AFF1: variants seen among roughly 807,000 people sequenced by gnomAD.
AFF1 encodes the protein AF4/FMR2 family member 1.
In AFF1, 48 loss-of-function variants were observed where a neutral mutation model predicts 121.7. The observed-to-expected ratio is 0.39, with a 90% CI of 0.31 to 0.50. AFF1 has a LOEUF of 0.50. Ranked by LOEUF, AFF1 falls within the 20% of genes least tolerant of loss-of-function variation. AFF1 has a pLI of 0.76. For missense variants in AFF1, 1,523 were observed against 1,511.7 expected (o/e 1.01, Z -0.12); for synonymous variants, 613 against 563.0 (o/e 1.09, Z -1.26).
intron 2 of AFF1, among the ~76,000 whole-genome samples, chr4:86,988,078 T>C (rs528563485): frequency 6.8e-6 from 1 of 148,064 alleles, no homozygotes; most frequent in East Asian, 2.0e-4. Flanking sequence ...ACTTATGGAG[T>C]TACATATACA....
chr4:87,098,320 TTAGC>T (rs1725085043), intron 8 of AFF1, among the ~76,000 whole-genome samples: 1 of 152,228 alleles, frequency 6.6e-6, no homozygotes, highest in South Asian at 2.1e-4. Context: ...AGGTAACTGA[TTAGC>T]TAGGATGTTA....
intron 2 of AFF1, among the ~76,000 whole-genome samples, chr4:86,977,862 G>A (rs141667466): frequency 1.9e-4 from 29 of 152,276 alleles, no homozygotes; most frequent in African/African-American, 6.7e-4. Flanking sequence ...GTCTGGGCAC[G>A]TTGCTATGGG....
chr4:86,937,586 CTTTA>C (rs760920958), intron 1 of AFF1, among the ~76,000 whole-genome samples: 4 of 152,110 alleles, frequency 2.6e-5, no homozygotes, highest in East Asian at 1.9e-4. Flanking sequence ...TTACAAGTCA[CTTTA>C]TTTATTTTTG....
At chr4:86,943,768 T>G (rs907273610) in intron 1 of AFF1, among the ~76,000 whole-genome samples, 5 of 152,010 alleles carry the variant, frequency 3.3e-5, no homozygotes, top group Non-Finnish European at 7.4e-5. Context: ...GAGACCAGCC[T>G]GACCAACATG....
intron 2 of AFF1, among the ~76,000 whole-genome samples, chr4:87,026,017 G>A (rs1296866121): frequency 6.6e-6 from 1 of 151,504 alleles, no homozygotes; most frequent in Admixed American, 6.6e-5. Flanking sequence ...GTTAGGAAGT[G>A]GCAGAGCCTA....
chr4:87,046,157 C>T lies in AFF1; in HGVS notation c.39-9C>T. The T allele has an allele frequency of 6.2e-7, 1 of 1,608,988 alleles. No individual in the cohort carries two copies. Among genetic ancestry groups the T allele is most frequent in the South Asian group, 1.1e-5 (1 of 90,550 alleles). On this transcript the variant is annotated splice_polypyrimidine_tract_variant and intron_variant, in intron 2 of 20. Transcript: ENST00000395146. The stretch of plus-strand genomic sequence containing the variant: ...TATTGTTTTCATTCTTTTGTGGCAT[C>T]TGAAACAGTTTGTACAATGACGACA...
At chr4:87,124,721 A>G (rs1160244430) in intron 12 of AFF1, among the ~76,000 whole-genome samples, 1 of 152,234 alleles carries the variant, frequency 6.6e-6, no homozygotes, top group East Asian at 1.9e-4. Context: ...GAAAAACATC[A>G]GTGGTCTATT....
rs1560606867 is a variant in AFF1, at chr4:87,081,907, CTT to C, written c.1060-2212_1060-2211del. Among the ~76,000 whole-genome samples the C allele has an allele frequency of 5.9e-5, 9 of 152,166 alleles. No homozygotes were observed. The South Asian group carries it at 1.9e-3, about 32-fold the overall frequency. ...CTGGTTCATCCAACATAACAAAACTCTTGGGGAAAAAAAACATTTCGGCGACA... is the reference window on the plus strand; with the variant it reads ...CTGGTTCATCCAACATAACAAAACTCGGGGAAAAAAAACATTTCGGCGACA... On this transcript the variant is annotated intron_variant, in intron 4 of 20. Transcript: ENST00000395146.
rs113502077 is a variant in AFF1 at position 87,090,058 on chromosome 4, T to C, written c.1179T>C (p.Pro393=). ...GTACAGCTGAGCCATCCAAGTTTCC[T>C]TTCCCTACAAAGGTAATTCCTTAAA... The part of the protein sequence containing the change: ...TPSTAEPSKF[P]FPTKDSQHVS... Residue 393 remains proline (P), a synonymous_variant, in exon 6 of 21, where the codon CCT becomes CCC. Transcript: ENST00000395146. The C allele has an allele frequency of 2.0e-4, 321 of 1,613,740 alleles. 3 individuals carry two copies. In the African/African-American group the frequency reaches 3.0e-3, roughly 15 times the overall value.
chr4:86,989,569 T>C (rs1296542349), intron 2 of AFF1, among the ~76,000 whole-genome samples: 3 of 152,210 alleles, frequency 2.0e-5, no homozygotes, highest in Non-Finnish European at 4.4e-5. Context: ...GCTTTTACAC[T>C]GTTGGTGGGA....
intron 4 of AFF1, among the ~76,000 whole-genome samples, chr4:87,060,803 C>T (rs1330281603): frequency 7.9e-6 from 1 of 125,796 alleles, no homozygotes; most frequent in Non-Finnish European, 1.6e-5. Flanking sequence ...CACGCCACTG[C>T]ACTCCAGCCT....
intron 2 of AFF1, among the ~76,000 whole-genome samples, chr4:87,025,208 A>G (rs1465898683): frequency 2.0e-5 from 3 of 152,216 alleles, no homozygotes; most frequent in Non-Finnish European, 4.4e-5. Context: ...CTTTGCCAGC[A>G]CTTGGACTCC....
intron 15 of AFF1, among the ~76,000 whole-genome samples, chr4:87,127,380 C>A (rs1728386791): frequency 6.6e-6 from 1 of 152,074 alleles, no homozygotes; most frequent in Non-Finnish European, 1.5e-5. Flanking sequence ...TCAGGCTGGT[C>A]TCGAACTCCT....
intron 2 of AFF1, among the ~76,000 whole-genome samples, chr4:86,969,879 C>CAACAAAAAAAAAAAAAAAA (rs1722814197): frequency 1.6e-5 from 1 of 63,610 alleles, no homozygotes; most frequent in Non-Finnish European, 3.1e-5. Context: ...GACTCCGTCT[C>CAACAAAAAAAAAAAAAAAA]AAAAAAAAAA....
chr4:87,088,020 C>A (rs773280839), intron 5 of AFF1, among the ~76,000 whole-genome samples: 121 of 152,224 alleles, frequency 7.9e-4, no homozygotes, highest in Admixed American at 5.5e-3. Flanking sequence ...TATTAAGTGC[C>A]TTCTGTGCAG....
rs1272903449 is a variant in AFF1, at chr4:87,133,558, T to C, written c.3312-913T>C. 6.6e-5 allele frequency among the ~76,000 whole-genome samples: 10 copies of C among 152,208 alleles called. No individual in the cohort carries two copies. In the East Asian group the frequency reaches 1.9e-3, roughly 29 times the overall value. Reference sequence around the variant, plus strand: ...TTGTCAATCACATTATTTACATAACTCCTTCAATCATTTGTCCATCCAGTA... The same window carrying C: ...TTGTCAATCACATTATTTACATAACCCCTTCAATCATTTGTCCATCCAGTA... On this transcript the variant is annotated intron_variant, in intron 19 of 20. Coordinates refer to ENST00000395146, the MANE Select transcript of AFF1 (RefSeq NM_001166693.3).
At chr4:86,949,029 A>T (rs762727910) in intron 2 of AFF1, among the ~76,000 whole-genome samples, 5 of 152,168 alleles carry the variant, frequency 3.3e-5, no homozygotes, top group African/African-American at 4.8e-5. Context: ...GCCTTCTTGC[A>T]TATAGTAATT....
intron 11 of AFF1, among the ~76,000 whole-genome samples, chr4:87,110,721 CA>C: frequency 6.8e-6 from 1 of 147,542 alleles, no homozygotes; most frequent in East Asian, 2.0e-4. Context: ...ATAATAAGCT[CA>C]AAACTTCTTA....
rs984881619 is a variant in AFF1, at chr4:87,024,502, A to G, written c.39-21664A>G. On this transcript the variant is annotated intron_variant, in intron 2 of 20. Transcript: ENST00000395146. ...TGGTAGGGTATTTGTAACTTGGGGA[A>G]CTCCAGCAATATTTGGGACAGGGGA... Among the ~76,000 whole-genome samples, 2 of 151,866 alleles carry G rather than the reference A, an allele frequency of 1.3e-5. 1 individual carries two copies. Among genetic ancestry groups the G allele is most frequent in the Admixed American group, 1.3e-4 (2 of 15,260 alleles).
Sources: allele counts gnomAD v4.1 joint callset (sites outside exome capture counted in the v4.1 genomes callset), GRCh38; gene constraint gnomAD v4.1.1; transcripts MANE v1.5; gene names NCBI Gene and HGNC (gene_info 2026-07-23, HGNC 2026-07-21).